The following SIPA1L3 variants were observed in gnomAD, a reference collection of about 807,000 sequenced individuals.
The protein encoded by SIPA1L3 is signal induced proliferation associated 1 like 3.
Under a neutral mutation model 150.1 loss-of-function variants are expected in SIPA1L3, and 59 were observed. The observed-to-expected ratio is 0.39, with a 90% CI of 0.32 to 0.49. The LOEUF (loss-of-function observed/expected upper bound fraction) is 0.49. SIPA1L3 is among the 20% of genes least tolerant of loss of function. The pLI is 0.86. For missense variants in SIPA1L3, 2,211 were observed against 2,489.5 expected (o/e 0.89, Z 2.38); for synonymous variants, 1,070 against 1,077.6 (o/e 0.99, Z 0.14).
intron 2 of SIPA1L3, among the ~76,000 whole-genome samples, chr19:38,031,933 G>T (rs960530741): frequency 3.3e-5 from 5 of 152,220 alleles, no homozygotes; most frequent in Non-Finnish European, 7.3e-5. Flanking sequence ...GTGGGTGACA[G>T]AGCAAGAGCC....
At chr19:37,988,051 C>T (rs1415508972) in intron 1 of SIPA1L3, among the ~76,000 whole-genome samples, 2 of 152,192 alleles carry the variant, frequency 1.3e-5, no homozygotes, top group East Asian at 1.9e-4. Context: ...TCCTGTCTGT[C>T]CTTGGCTCCC....
intron 1 of SIPA1L3, among the ~76,000 whole-genome samples, chr19:37,974,781 A>G (rs950336612): frequency 6.6e-6 from 1 of 152,064 alleles, no homozygotes; most frequent in African/African-American, 2.4e-5. Context: ...CCCCAACAGC[A>G]CCATCAGACA....
intron 1 of SIPA1L3, among the ~76,000 whole-genome samples, chr19:37,957,977 G>T (rs1444220556): frequency 6.6e-6 from 1 of 151,998 alleles, no homozygotes; most frequent in Non-Finnish European, 1.5e-5. Context: ...GCCTCCAAAA[G>T]TGCTGGAATT....
intron 2 of SIPA1L3, among the ~76,000 whole-genome samples, chr19:38,035,207 C>T (rs759104317): frequency 2.0e-5 from 3 of 152,324 alleles, no homozygotes; most frequent in African/African-American, 7.2e-5. Flanking sequence ...GAAACTCTCA[C>T]GACAGCTCTC....
chr19:38,162,279 G>A lies in SIPA1L3; in HGVS notation c.3688G>A (p.Ala1230Thr), dbSNP rs777025340. ...GCCTTTGTGGCATGTGCCTGCCCAG[G>A]CCAGGCTCTCAGCCATAGCCGGAAG... ...PEPLWHVPAQ[A>T]RLSAIAGSSG... The change falls in exon 14 of 22, where the codon GCC becomes ACC. Residue 1230 changes from alanine to threonine, a missense_variant. Physicochemically the swap from Ala to Thr is moderately conservative, Grantham distance 58 (BLOSUM62 0). Around this residue, in one of 5 missense-constraint regions of SIPA1L3, gnomAD observed 806 missense variants for 870.1 expected, o/e 0.93. Transcript: ENST00000222345. The A allele has an allele frequency of 6.2e-7, 1 of 1,614,194 alleles. No individual in the cohort carries two copies.
chr19:38,078,052 A>G (rs571607390), intron 2 of SIPA1L3, among the ~76,000 whole-genome samples: 1 of 152,270 alleles, frequency 6.6e-6, no homozygotes, highest in East Asian at 1.9e-4. Context: ...ATGATCTGAC[A>G]TCCATACTCC....
intron 9 of SIPA1L3, among the ~76,000 whole-genome samples, chr19:38,121,542 C>T (rs1383555879): frequency 1.3e-5 from 2 of 150,408 alleles, no homozygotes; most frequent in Non-Finnish European, 3.0e-5. Flanking sequence ...AGATTGAGAC[C>T]ATCCTGGCTA....
intron 2 of SIPA1L3, among the ~76,000 whole-genome samples, chr19:38,035,566 GT>G (rs1031634921): frequency 1.3e-5 from 2 of 152,220 alleles, no homozygotes; most frequent in African/African-American, 4.8e-5. Context: ...CTGGGGTCTA[GT>G]CATAGCTGAG....
intron 1 of SIPA1L3, among the ~76,000 whole-genome samples, chr19:37,942,135 A>C: frequency 6.6e-6 from 1 of 152,298 alleles, no homozygotes; most frequent in East Asian, 1.9e-4. Flanking sequence ...TATTTACTGA[A>C]CATCACATAT....
chr19:37,937,544 G>C (rs980629695), intron 1 of SIPA1L3, among the ~76,000 whole-genome samples: 2 of 148,068 alleles, frequency 1.4e-5, no homozygotes, highest in African/African-American at 2.5e-5. Flanking sequence ...TTTGAGACCA[G>C]CCTGGGCAAC....
intron 1 of SIPA1L3, among the ~76,000 whole-genome samples, chr19:37,999,720 C>T (rs1967737108): frequency 6.6e-6 from 1 of 152,232 alleles, no homozygotes; most frequent in African/African-American, 2.4e-5. Flanking sequence ...GCTGTAGCTT[C>T]CGGCTGTCTC....
rs372139467 is a variant in SIPA1L3, at chr19:38,100,110, C to G, written c.1814C>G (p.Pro605Arg). The G allele has an allele frequency of 1.1e-5, 18 of 1,601,360 alleles. No individual in the cohort carries two copies. The highest frequency in any genetic ancestry group is 1.7e-4 in the Middle Eastern group (1 of 6,044). The part of the protein sequence containing the change: ...IHCLRLALNT[P>R]KVTEQLLKLD... ...TGCCTGCGGCTGGCCCTCAACACCC[C>G]CAAGGTGACGGAGCAACTGCTGAAG... The change falls in exon 5 of 22, where the codon CCC (proline) becomes CGC (arginine). Residue 605 changes from proline to arginine, a missense_variant. This residue lies in a region of SIPA1L3 where 625 missense variants were observed against 804.2 expected (regional missense o/e 0.78). Coordinates refer to ENST00000222345, the MANE Select transcript of SIPA1L3 (RefSeq NM_015073.3).
intron 1 of SIPA1L3, among the ~76,000 whole-genome samples, chr19:37,954,630 C>G (rs772235331): frequency 6.6e-6 from 1 of 152,040 alleles, no homozygotes; most frequent in Non-Finnish European, 1.5e-5. Context: ...TCCGTAAACC[C>G]CTAGTGATAA....
intron 12 of SIPA1L3, among the ~76,000 whole-genome samples, chr19:38,151,403 A>T (rs986598190): frequency 2.0e-5 from 3 of 152,210 alleles, no homozygotes; most frequent in Non-Finnish European, 2.9e-5. Context: ...CAGCTCAGCT[A>T]TGAGCGCTGG....
intron 1 of SIPA1L3, among the ~76,000 whole-genome samples, chr19:37,980,588 G>T (rs2145613285): frequency 6.6e-6 from 1 of 152,302 alleles, no homozygotes; most frequent in East Asian, 1.9e-4. Flanking sequence ...CTCCAGAGCA[G>T]GGGGAAGGCC....
intron 10 of SIPA1L3, among the ~76,000 whole-genome samples, chr19:38,138,216 G>A (rs1172459745): frequency 6.6e-6 from 1 of 152,136 alleles, no homozygotes; most frequent in African/African-American, 2.4e-5. Flanking sequence ...CCACTCTACG[G>A]TGGGGCCATT....
intron 1 of SIPA1L3, among the ~76,000 whole-genome samples, chr19:38,014,552 T>G (rs1968183830): frequency 7.5e-6 from 1 of 133,790 alleles, no homozygotes; most frequent in Non-Finnish European, 1.8e-5. Context: ...TTCTTTTTTT[T>G]TTTTTTTTTT....
At chr19:38,102,024 C>T (rs1263215844) in intron 6 of SIPA1L3, among the ~76,000 whole-genome samples, 1 of 151,274 alleles carries the variant, frequency 6.6e-6, no homozygotes, top group Non-Finnish European at 1.5e-5. Flanking sequence ...TTTTACATAA[C>T]AATTTTTTTC....
chr19:38,001,429 T>TA (rs946767128), intron 1 of SIPA1L3, among the ~76,000 whole-genome samples: 20 of 150,740 alleles, frequency 1.3e-4, no homozygotes, highest in African/African-American at 1.9e-4. Flanking sequence ...TTTTAAAACT[T>TA]AAAAAAAAAA....
Sources: gnomAD v4.1 joint callset for allele counts (sites outside exome capture counted in the v4.1 genomes callset) on GRCh38, gnomAD v4.1.1 for gene constraint, gnomAD v4.1.1 regional missense constraint, MANE v1.5 for transcripts, NCBI Gene and HGNC (gene_info 2026-07-23, HGNC 2026-07-21) for gene names.